KCNH1: variants seen among roughly 807,000 people sequenced by gnomAD.
KCNH1 encodes the protein potassium voltage-gated channel subfamily H member 1.
Under a neutral mutation model 69.2 loss-of-function variants are expected in KCNH1, and 27 were observed. The observed-to-expected ratio is 0.39, with a 90% CI of 0.29 to 0.54. KCNH1 has a LOEUF of 0.54. Among genes scored for constraint, KCNH1 ranks in the 20% least tolerant of loss-of-function variants. The pLI is 0.68. For missense variants in KCNH1, 798 were observed against 1,261.6 expected, an observed-to-expected ratio of 0.63 and a Z score of 5.57; for synonymous variants, 456 against 487.7, an observed-to-expected ratio of 0.93 and a Z score of 0.86.
intron 7 of KCNH1, among the ~76,000 whole-genome samples, chr1:210,890,459 A>T (rs1420791948): frequency 6.6e-6 from 1 of 152,230 alleles, no homozygotes; most frequent in South Asian, 2.1e-4. Flanking sequence ...AAACCTAGGC[A>T]ATACTATTCA....
chr1:210,953,051 C>T (rs1688092356), intron 6 of KCNH1, among the ~76,000 whole-genome samples: 1 of 152,128 alleles, frequency 6.6e-6, no homozygotes, highest in South Asian at 2.1e-4. Context: ...TTTTATTTGA[C>T]CCAGATAATC....
chr1:211,087,639 G>GCACA (rs5780626), intron 4 of KCNH1, among the ~76,000 whole-genome samples: 4 of 140,658 alleles, frequency 2.8e-5, no homozygotes, highest in African/African-American at 5.5e-5. Flanking sequence ...ACACACACAC[G>GCACA]CACACACACA....
chr1:211,127,674 G>A (rs1691805613), intron 1 of KCNH1, among the ~76,000 whole-genome samples: 1 of 152,070 alleles, frequency 6.6e-6, no homozygotes, highest in South Asian at 2.1e-4. Flanking sequence ...TAGATTGTTT[G>A]GGCAACATCA....
chr1:210,970,579 T>C (rs1224143240), intron 6 of KCNH1, among the ~76,000 whole-genome samples: 1 of 152,180 alleles, frequency 6.6e-6, no homozygotes, highest in Admixed American at 6.6e-5. Flanking sequence ...GAAAACTGGC[T>C]AGCCATATGC....
intron 5 of KCNH1, among the ~76,000 whole-genome samples, chr1:211,074,723 A>G (rs1188224499): frequency 6.6e-6 from 1 of 152,198 alleles, no homozygotes; most frequent in Non-Finnish European, 1.5e-5. Flanking sequence ...AATTTTCAGG[A>G]AAAGATATAA....
chr1:210,689,796 C>T (rs1266312189), intron 10 of KCNH1, among the ~76,000 whole-genome samples: 1 of 152,176 alleles, frequency 6.6e-6, no homozygotes, highest in African/African-American at 2.4e-5. Flanking sequence ...ACGTCAGAAC[C>T]CACTGAAGAG....
At chr1:210,974,685 T>A (rs1408681357) in intron 6 of KCNH1, among the ~76,000 whole-genome samples, 1 of 149,620 alleles carries the variant, frequency 6.7e-6, no homozygotes, top group Non-Finnish European at 1.5e-5. Context: ...TGCCTCAGCC[T>A]CCCAAGTAGC....
chr1:211,089,297 C>CA (rs2102472071), intron 4 of KCNH1, among the ~76,000 whole-genome samples: 1 of 152,234 alleles, frequency 6.6e-6, no homozygotes, highest in Admixed American at 6.5e-5. Context: ...GAGAAATCTT[C>CA]AAATTAGAAA....
At chr1:211,117,626 A>G (rs1217421116) in intron 1 of KCNH1, among the ~76,000 whole-genome samples, 1 of 152,200 alleles carries the variant, frequency 6.6e-6, no homozygotes, top group Non-Finnish European at 1.5e-5. Context: ...AAGATACTCT[A>G]TTAATCTACT....
intron 9 of KCNH1, among the ~76,000 whole-genome samples, chr1:210,796,621 C>T (rs1203277561): frequency 2.6e-5 from 4 of 152,134 alleles, no homozygotes; most frequent in Non-Finnish European, 5.9e-5. Flanking sequence ...CCCTGTTATC[C>T]ATGTGAGAAA....
chr1:210,751,423 C>G (rs1162111748), intron 10 of KCNH1, among the ~76,000 whole-genome samples: 1 of 152,114 alleles, frequency 6.6e-6, no homozygotes, highest in South Asian at 2.1e-4. Flanking sequence ...ACATAAAATT[C>G]AATTTTAAGA....
chr1:210,820,558 C>G (rs1487694475), intron 7 of KCNH1, among the ~76,000 whole-genome samples: 1 of 152,078 alleles, frequency 6.6e-6, no homozygotes, highest in Non-Finnish European at 1.5e-5. Context: ...TGCTTGAACC[C>G]AGGAGGCAGA....
chr1:210,788,682 T>C, intron 9 of KCNH1, among the ~76,000 whole-genome samples: 1 of 127,420 alleles, frequency 7.8e-6, no homozygotes, highest in Middle Eastern at 4.0e-3. Flanking sequence ...TTATAGCTTC[T>C]TTCTTTTTTT....
intron 6 of KCNH1, among the ~76,000 whole-genome samples, chr1:210,951,997 C>G (rs1329402141): frequency 6.6e-6 from 1 of 152,180 alleles, no homozygotes; most frequent in Non-Finnish European, 1.5e-5. Context: ...TTGTCACTCC[C>G]TGAGGACACT....
intron 7 of KCNH1, chr1:210,861,798 T>C: frequency 1.3e-6 from 1 of 766,484 alleles, no homozygotes; most frequent in Non-Finnish European, 2.4e-6. Context: ...TCCACTCCTC[T>C]AGTTTTTTAT....
At chr1:211,104,877 CA>C (rs1408033383) in intron 2 of KCNH1, among the ~76,000 whole-genome samples, 1 of 152,152 alleles carries the variant, frequency 6.6e-6, no homozygotes, top group Non-Finnish European at 1.5e-5. Flanking sequence ...TTCAGAGCTA[CA>C]AAGAACCTCA....
intron 3 of KCNH1, 82 bp downstream of exon 3, chr1:211,103,414 C>A (rs1691297066): frequency 1.1e-6 from 1 of 897,664 alleles, no homozygotes. Context: ...AGAAGAAAAA[C>A]CAAGACAGCA....
intron 10 of KCNH1, among the ~76,000 whole-genome samples, chr1:210,717,177 T>C (rs917027412): frequency 3.3e-5 from 5 of 152,198 alleles, no homozygotes; most frequent in African/African-American, 1.2e-4. Context: ...TGTGTTTCCC[T>C]GAGGGATTTT....
intron 6 of KCNH1, among the ~76,000 whole-genome samples, chr1:211,012,316 C>T (rs2102408738): frequency 6.6e-6 from 1 of 152,270 alleles, no homozygotes; most frequent in African/African-American, 2.4e-5. Context: ...CCTGTCCACC[C>T]TCCAATCAAA....
Sources: allele counts gnomAD v4.1 joint callset (sites outside exome capture counted in the v4.1 genomes callset), GRCh38; gene constraint gnomAD v4.1.1; transcripts MANE v1.5; gene names NCBI Gene and HGNC (gene_info 2026-07-23, HGNC 2026-07-21).